MYO18B: variants seen among roughly 807,000 people sequenced by gnomAD.
MYO18B encodes myosin XVIIIB, also known as unconventional myosin-XVIIIb.
Under a neutral mutation model 273.0 loss-of-function variants are expected in MYO18B, and 204 were observed. The ratio of observed to expected loss-of-function variants is 0.75; its 90% CI spans 0.67 to 0.84. MYO18B has a LOEUF of 0.84. Ranked by LOEUF, MYO18B falls within the 40% of genes least tolerant of loss-of-function variation. The pLI is 0.00. For synonymous variants in MYO18B, 1,330 were observed against 1,305.7 expected (o/e 1.02, Z -0.40); for missense variants, 3,212 against 3,287.6 (o/e 0.98, Z 0.56).
chr22:25,999,011 A>G (rs949821778), intron 40 of MYO18B, among the ~76,000 whole-genome samples: 13 of 152,162 alleles, frequency 8.5e-5, no homozygotes, highest in African/African-American at 2.9e-4. Flanking sequence ...TTGTAACAAT[A>G]GGTACCTTTT....
At chr22:25,979,266 G>A (rs1219730918) in intron 39 of MYO18B, among the ~76,000 whole-genome samples, 1 of 152,184 alleles carries the variant, frequency 6.6e-6, no homozygotes, top group East Asian at 1.9e-4. Context: ...GTAATTACCA[G>A]CTGGAACAAT....
At chr22:25,851,708 G>A in intron 21 of MYO18B, 129 bp downstream of exon 21, 1 of 712,630 alleles carries the variant, frequency 1.4e-6, no homozygotes, top group Non-Finnish European at 2.5e-6. Flanking sequence ...TACCCAGGTG[G>A]GTGGATCACT....
rs141663304 is a variant in MYO18B, at chr22:25,955,286, G to T, written c.6078G>T (p.Arg2026=). ...GGGAGAGCAGCCAGTACTACCAGCGGCGCCTGGAAGAGCTGAAGGCCGACA... is the reference window on the plus strand; with the variant it reads ...GGGAGAGCAGCCAGTACTACCAGCGTCGCCTGGAAGAGCTGAAGGCCGACA... The part of the protein sequence containing the change: ...QQRESSQYYQ[R]RLEELKADME... The change falls in exon 39 of 44, where the codon CGG becomes CGT. Residue 2026 remains arginine (R), a synonymous_variant. Transcript: ENST00000335473. The T allele has an allele frequency of 7.2e-4, 1,156 of 1,613,852 alleles. 7 individuals carry two copies. In the African/African-American group the frequency reaches 0.012, roughly 16 times the overall value.
At chr22:25,827,843 G>A (rs1294043581) in intron 14 of MYO18B, among the ~76,000 whole-genome samples, 2 of 152,250 alleles carry the variant, frequency 1.3e-5, no homozygotes, top group Non-Finnish European at 2.9e-5. Context: ...GGCCACATCT[G>A]TGAAATGCCG....
intron 6 of MYO18B, 54 bp from the exon 7 acceptor site, chr22:25,772,280 C>A (rs1415772069): frequency 3.2e-6 from 5 of 1,554,280 alleles, no homozygotes; most frequent in East Asian, 2.3e-5. Context: ...GGGGTGGGGG[C>A]AGGGGGCCAG....
chr22:25,940,893 A>G (rs2092635775), intron 34 of MYO18B, among the ~76,000 whole-genome samples: 1 of 152,234 alleles, frequency 6.6e-6, no homozygotes, highest in African/African-American at 2.4e-5. Flanking sequence ...ATTTAGTAGA[A>G]GAAGGGTCCT....
chr22:25,852,170 C>T (rs1015543153), intron 21 of MYO18B, among the ~76,000 whole-genome samples: 1 of 152,294 alleles, frequency 6.6e-6, no homozygotes, highest in Admixed American at 6.5e-5. Flanking sequence ...TTCTGATGAA[C>T]ATCACTCCTT....
At position 25,851,526 on chromosome 22, in the gene MYO18B, G is replaced by T; in HGVS notation, c.3832G>T (p.Ala1278Ser). The T allele has an allele frequency of 6.4e-7, 1 of 1,561,578 alleles. No homozygotes were observed. The highest frequency in any genetic ancestry group is 8.7e-7 in the Non-Finnish European group (1 of 1,152,452). ...RFRRQFQVLDAPLLKKLMSTS... is the reference protein window; with the variant it reads ...RFRRQFQVLDSPLLKKLMSTS... ...CCGCCGGCAATTCCAGGTGCTGGAC[G>T]CTCCACTCCTGAAGAAGCTCATGTC... is the stretch of plus-strand genomic sequence containing the variant. Residue 1278 changes from alanine to serine, a missense_variant, in exon 21 of 44, where the codon GCT (alanine) becomes TCT (serine). By Grantham distance (99) the Ala-to-Ser change is moderately conservative. Transcript: ENST00000335473.
intron 42 of MYO18B, among the ~76,000 whole-genome samples, chr22:26,015,043 A>G (rs1375908107): frequency 6.6e-6 from 1 of 151,372 alleles, no homozygotes. Flanking sequence ...TTTGCTGTAC[A>G]GCAGCTCTTT....
intron 32 of MYO18B, among the ~76,000 whole-genome samples, 172 bp downstream of exon 32, chr22:25,908,604 G>A (rs2092095778): frequency 6.6e-6 from 1 of 152,118 alleles, no homozygotes; most frequent in Non-Finnish European, 1.5e-5. Context: ...GAGCGGAAAT[G>A]CCCATCTTAA....
the MYO18B span, among the ~76,000 whole-genome samples, chr22:26,051,209 T>C: frequency 6.7e-6 from 1 of 150,318 alleles, no homozygotes; most frequent in Non-Finnish European, 1.5e-5. Context: ...ATATGGATAA[T>C]TGGTCCCTTT....
At chr22:25,856,243 G>A (rs1011834948) in intron 21 of MYO18B, among the ~76,000 whole-genome samples, 2 of 152,174 alleles carry the variant, frequency 1.3e-5, no homozygotes, top group African/African-American at 4.8e-5. Context: ...GCTAATGGGT[G>A]TGAGATAGTG....
chr22:25,999,237 T>C (rs1933660798), intron 40 of MYO18B, among the ~76,000 whole-genome samples: 1 of 152,210 alleles, frequency 6.6e-6, no homozygotes, highest in South Asian at 2.1e-4. Context: ...CCAAGCGTTG[T>C]TGTCATGTCA....
chr22:25,774,465 A>G (rs1042979332), intron 7 of MYO18B, among the ~76,000 whole-genome samples: 2 of 152,208 alleles, frequency 1.3e-5, no homozygotes, highest in African/African-American at 4.8e-5. Context: ...TCAGGTCCTC[A>G]TTGGCCATCC....
At chr22:25,770,321 G>C (rs2086671908) in intron 5 of MYO18B, 145 bp downstream of exon 5, 1 of 710,326 alleles carries the variant, frequency 1.4e-6, no homozygotes, top group Admixed American at 2.7e-5. Flanking sequence ...AAAGGCATTT[G>C]TGTCTTGATA....
intron 12 of MYO18B, among the ~76,000 whole-genome samples, chr22:25,815,777 AG>A (rs1294847981): frequency 6.6e-6 from 1 of 152,176 alleles, no homozygotes; most frequent in East Asian, 1.9e-4. Flanking sequence ...AAGTCCTGCA[AG>A]AGGGAAACCT....
chr22:25,855,500 A>G (rs695353), intron 21 of MYO18B, among the ~76,000 whole-genome samples: 14,158 of 151,984 alleles, frequency 0.093, 692 homozygotes, highest in Non-Finnish European at 0.12. Context: ...AGCCAGGATG[A>G]TCTCGATCTG....
At chr22:25,844,235 T>C (rs1014422885) in intron 18 of MYO18B, among the ~76,000 whole-genome samples, 12 of 152,214 alleles carry the variant, frequency 7.9e-5, no homozygotes, top group Non-Finnish European at 1.2e-4. Flanking sequence ...TAGGGGTTCA[T>C]AAAACTGAAA....
At chr22:25,910,612 A>C (rs1303257905) in intron 32 of MYO18B, among the ~76,000 whole-genome samples, 1 of 152,108 alleles carries the variant, frequency 6.6e-6, no homozygotes, top group Non-Finnish European at 1.5e-5. Context: ...CAGAGCCTTT[A>C]AAAATCAAAG....
Sources: allele counts gnomAD v4.1 joint callset (sites outside exome capture counted in the v4.1 genomes callset), GRCh38; gene constraint gnomAD v4.1.1; transcripts MANE v1.5; gene names NCBI Gene and HGNC (gene_info 2026-07-23, HGNC 2026-07-21).